The following PHRF1 variants were observed in gnomAD, a reference collection of about 807,000 sequenced individuals.
The protein encoded by PHRF1 is PHD and ring finger domains 1.
PHRF1 carries 53 observed loss-of-function variants against 128.9 expected under a neutral mutation model. The ratio of observed to expected loss-of-function variants is 0.41; its 90% confidence interval spans 0.33 to 0.52. PHRF1 has a LOEUF of 0.52. Ranked by LOEUF, PHRF1 falls within the 20% of genes least tolerant of loss-of-function variation. The pLI, the probability that PHRF1 is intolerant of heterozygous loss-of-function variation, is 0.21. For synonymous variants in PHRF1, 1,178 were observed against 980.6 expected (o/e 1.20, Z -3.76); for missense variants, 2,503 against 2,284.5 (o/e 1.10, Z -1.95).
At chr11:587,633 C>G (rs899636428) in intron 4 of PHRF1, among the ~76,000 whole-genome samples, 169 bp downstream of exon 4, 11 of 152,118 alleles carry the variant, frequency 7.2e-5, no homozygotes, top group African/African-American at 2.4e-4. Flanking sequence ...AGCACCATGG[C>G]TCTTGGGGGT....
chr11:583,756 T>G (rs1854358661), intron 3 of PHRF1, among the ~76,000 whole-genome samples: 1 of 152,170 alleles, frequency 6.6e-6, no homozygotes, highest in Admixed American at 6.5e-5. Flanking sequence ...GGGAGACAAG[T>G]CCGTGGGGTG....
In PHRF1 at chr11:609,143, G is replaced by A. The variant is rs370729741; in HGVS notation, c.3687G>A (p.Ser1229=). The part of the protein sequence containing the change: ...RLPALGEAHV[S]PEVATADKAP... ...CAGCCTTGGGGGAAGCACATGTCTC[G>A]CCGGAGGTGGCTACGGCCGACAAGG... The change falls in exon 14 of 18, where the codon TCG becomes TCA. Residue 1229 remains serine (S), a synonymous_variant. Transcript: ENST00000264555. 5.9e-5 allele frequency: 94 copies of A among 1,606,124 alleles called. No individual in the cohort carries two copies. The highest frequency in any genetic ancestry group is 7.0e-5 in the Non-Finnish European group (83 of 1,178,874).
chr11:592,286 C>T (rs1855017543), intron 5 of PHRF1, among the ~76,000 whole-genome samples: 2 of 151,766 alleles, frequency 1.3e-5, no homozygotes, highest in Admixed American at 1.3e-4. Context: ...CCTCGCCCTA[C>T]TGCGGCCCAC....
At chr11:587,868 C>T (rs781775627) in intron 4 of PHRF1, among the ~76,000 whole-genome samples, 22 of 152,336 alleles carry the variant, frequency 1.4e-4, no homozygotes, top group Admixed American at 5.9e-4. Flanking sequence ...CATTCATTCA[C>T]AATAACTGGC....
In PHRF1 at chr11:593,126, G is replaced by C. The variant is rs534398480; in HGVS notation, c.620+452G>C. On this transcript the variant is annotated intron_variant, in intron 6 of 17. Coordinates refer to ENST00000264555, the MANE Select transcript of PHRF1 (RefSeq NM_001286581.2). ...GCTGCTCTCCCTGGCACAGCTGAGA[G>C]CGCCTGCTCTGGCCCTGCGTGGCCC... Among the ~76,000 whole-genome samples the C allele has an allele frequency of 8.5e-5, 13 of 152,354 alleles. No individual in the cohort carries two copies. In the South Asian group the frequency reaches 2.7e-3, roughly 32 times the overall value.
Position 585,636 on chromosome 11 carries a change from TGAGG to T in PHRF1, c.215-1622_215-1619del, listed in dbSNP as rs1564841291. On this transcript the variant is annotated intron_variant, in intron 3 of 17. Transcript: ENST00000264555. ...CTTGAGGTAGTAGCCCTTTCCAGCT[TGAGG>T]TAGTAGCCCTTTCCAGCTTGAGGTA... is the stretch of plus-strand genomic sequence containing the variant. 5.9e-4 allele frequency among the ~76,000 whole-genome samples: 58 copies of T among 98,026 alleles called. 17 individuals carry two copies. Among genetic ancestry groups the T allele is most frequent in the Admixed American group, 1.2e-3 (11 of 8,940 alleles). The allele number at this position is 98,026 out of a possible 152,430, so 64.3% of individuals were successfully genotyped here. A position where few individuals can be genotyped will look rare whatever the true frequency, so the allele number is the denominator to read the frequency against.
At chr11:589,282 C>A (rs1854778866) in intron 4 of PHRF1, among the ~76,000 whole-genome samples, 1 of 152,186 alleles carries the variant, frequency 6.6e-6, no homozygotes, top group South Asian at 2.1e-4. Context: ...TTTTCTAACA[C>A]AGCCGTGACT....
intron 3 of PHRF1, among the ~76,000 whole-genome samples, chr11:583,548 A>G (rs548469175): frequency 7.9e-5 from 12 of 152,252 alleles, no homozygotes; most frequent in African/African-American, 2.4e-4. Flanking sequence ...CTCACTTACA[A>G]TTGGCTGATG....
At chr11:599,863 C>CTTGCTCCT (rs1349230361) in intron 9 of PHRF1, among the ~76,000 whole-genome samples, 1 of 152,084 alleles carries the variant, frequency 6.6e-6, no homozygotes, top group Non-Finnish European at 1.5e-5. Context: ...AGGGGCCCAA[C>CTTGCTCCT]TTGCTCCTTT....
intron 4 of PHRF1, among the ~76,000 whole-genome samples, chr11:590,512 C>G (rs12295981): frequency 6.6e-6 from 1 of 151,974 alleles, no homozygotes; most frequent in Non-Finnish European, 1.5e-5. Flanking sequence ...GGGAAGGGCC[C>G]GAAGACCAGG....
At chr11:589,574 C>CG (rs1035822177) in intron 4 of PHRF1, among the ~76,000 whole-genome samples, 45 of 89,490 alleles carry the variant, frequency 5.0e-4, no homozygotes, top group East Asian at 1.5e-3. Flanking sequence ...TGGACACACT[C>CG]GGGGGGGCAG....
intron 3 of PHRF1, among the ~76,000 whole-genome samples, chr11:587,003 G>A (rs1854606540): frequency 6.6e-6 from 1 of 152,202 alleles, no homozygotes; most frequent in South Asian, 2.1e-4. Context: ...TAGAGGAGCT[G>A]GTCTGGCACT....
Position 608,835 on chromosome 11 carries a change from A to G in PHRF1, c.3379A>G (p.Ser1127Gly). Residue 1127 changes from serine (S) to glycine (G), a missense_variant, in exon 14 of 18, where the codon AGC becomes GGC. Physicochemically the swap from Ser to Gly is moderately conservative, Grantham distance 56. Transcript: ENST00000264555. ...TCGGGGAAGGGAGTGCTCCCCCACC[A>G]GCAGCCTGGAGAGGCTCTGCAGGCA... The part of the protein sequence containing the change: ...RPRGRECSPT[S>G]SLERLCRHKH... The G allele has an allele frequency of 1.2e-6, 2 of 1,612,268 alleles. No homozygotes were observed. The highest frequency in any genetic ancestry group is 2.2e-5 in the East Asian group (1 of 44,858).
At position 592,751 on chromosome 11, in the gene PHRF1, C is replaced by G. The variant is rs1170821428; in HGVS notation, c.620+77C>G. On this transcript the variant is annotated intron_variant, in intron 6 of 17. Transcript: ENST00000264555. ...CAGGCGCAGGAGGGATGCAGAGCCT[C>G]TTCGCTCTGTGAAGTCTGAGTCCCA... 5 of 1,482,706 alleles carry G rather than the reference C, an allele frequency of 3.4e-6. No individual in the cohort carries two copies. In the Admixed American group the frequency reaches 6.7e-5, roughly 20 times the overall value. The allele number at this position is 1,482,706 out of a possible 1,614,324, so 91.8% of individuals were successfully genotyped here.
At chr11:588,937 A>G (rs1020470573) in intron 4 of PHRF1, among the ~76,000 whole-genome samples, 56 of 152,068 alleles carry the variant, frequency 3.7e-4, no homozygotes, top group African/African-American at 1.3e-3. Context: ...AGAGATCAAG[A>G]CCATCCTGGC....
Position 598,414 on chromosome 11 carries a change from C to T in PHRF1, c.936C>T (p.Ala312=). ...TCGGGTCTTCCCTGCTGGATGAAGC[C>T]ATCGAGGCTGTGGCGACTGGCCTGA... is the stretch of plus-strand genomic sequence containing the variant. ...GRLGSSLLDE[A]IEAVATGLST... The change falls in exon 9 of 18, where the codon GCC becomes GCT. Residue 312 remains alanine, a synonymous_variant. Coordinates refer to ENST00000264555, the MANE Select transcript of PHRF1 (RefSeq NM_001286581.2). The T allele has an allele frequency of 6.2e-7, 1 of 1,611,260 alleles. No individual in the cohort carries two copies. The highest frequency in any genetic ancestry group is 1.7e-5 in the Admixed American group (1 of 59,976).
At chr11:603,714 A>G (rs1386232271) in intron 10 of PHRF1, among the ~76,000 whole-genome samples, 1 of 147,376 alleles carries the variant, frequency 6.8e-6, no homozygotes. Context: ...TTTATCTAAA[A>G]CCATATTTAA....
intron 1 of PHRF1, among the ~76,000 whole-genome samples, chr11:578,073 G>A (rs751045707): frequency 6.6e-6 from 1 of 152,196 alleles, no homozygotes; most frequent in Non-Finnish European, 1.5e-5. Flanking sequence ...ACATGGCAGA[G>A]GTGGGTATGG....
chr11:588,279 C>A (rs770433740), intron 4 of PHRF1, among the ~76,000 whole-genome samples: 3 of 152,204 alleles, frequency 2.0e-5, no homozygotes, highest in Non-Finnish European at 4.4e-5. Flanking sequence ...CTGGTGGTGG[C>A]AGGCTGTGAT....
Sources: gnomAD v4.1 joint callset for allele counts (sites outside exome capture counted in the v4.1 genomes callset) on GRCh38, gnomAD v4.1.1 for gene constraint, MANE v1.5 for transcripts, NCBI Gene and HGNC (gene_info 2026-07-23, HGNC 2026-07-21) for gene names.